WDR6: variants seen among roughly 807,000 people sequenced by gnomAD.
The protein encoded by WDR6 is WD repeat domain 6.
A neutral mutation model predicts 85.6 loss-of-function variants in WDR6; 58 were observed. That is an observed-to-expected ratio of 0.68 (90% CI 0.55 to 0.84). The LOEUF is 0.84. WDR6 is among the 40% of genes least tolerant of loss of function. The probability of loss-of-function intolerance (pLI) is 0.00; values close to 1 mark genes in which losing one functional copy is unlikely to be tolerated. For synonymous variants in WDR6, 569 were observed against 582.2 expected, an observed-to-expected ratio of 0.98 and a Z score of 0.33; for missense variants, 1,310 against 1,476.4, an observed-to-expected ratio of 0.89 and a Z score of 1.85.
rs764898304 is a variant in WDR6 at position 49,015,015 on chromosome 3, G to C, written c.3093G>C (p.Gln1031His). ...EAVGEAGLVP[Q>H]LRVLEEYSVP... Reference sequence around the variant, plus strand: ...TGGGAGAGGCTGGGCTGGTACCCCAGCTGCGTGTGCTAGAGGAATACTCTG... The same window carrying C: ...TGGGAGAGGCTGGGCTGGTACCCCACCTGCGTGTGCTAGAGGAATACTCTG... Residue 1031 changes from glutamine to histidine, a missense_variant, in exon 6 of 6, where the codon CAG (glutamine) becomes CAC (histidine). Gln to His is a conservative substitution (Grantham distance 24). Coordinates refer to ENST00000608424, the MANE Select transcript of WDR6 (RefSeq NM_018031.6). 3.1e-6 allele frequency: 5 copies of C among 1,614,064 alleles called. No individual in the cohort carries two copies. The highest frequency in any genetic ancestry group is 4.2e-6 in the Non-Finnish European group (5 of 1,180,042).
chr3:49,014,826 G>A lies in WDR6; in HGVS notation c.2904G>A (p.Arg968=). The A allele has an allele frequency of 1.2e-6, 2 of 1,602,138 alleles. No individual in the cohort carries two copies. Among genetic ancestry groups the A allele is most frequent in the Non-Finnish European group, 1.7e-6 (2 of 1,171,866 alleles). Residue 968 remains arginine, a splice_region_variant and synonymous_variant, in exon 6 of 6, where the codon CGG becomes CGA. Coordinates refer to ENST00000608424, the MANE Select transcript of WDR6 (RefSeq NM_018031.6). The surrounding 1 kb of genome is among the most constrained non-coding windows in gnomAD (Gnocchi z 4.9). Reference sequence around the variant, plus strand: ...ACTACCCTCTTCCTCTTCCTTCAGGGCTTGGCACCCCCTCCCTGACTCTCC... The same window carrying A: ...ACTACCCTCTTCCTCTTCCTTCAGGACTTGGCACCCCCTCCCTGACTCTCC... ...EPPVDPGLPY[R]LGTPSLTLQA... is the part of the protein sequence containing the mutation.
rs1379882308 is a variant in WDR6 at position 49,015,770 on chromosome 3, C to T, written c.*482C>T. On this transcript the variant is annotated 3_prime_UTR_variant, in exon 6 of 6. Transcript: ENST00000608424. ...TCCTTTGCCTTTACCCTATACCTCT[C>T]TGCACGTCCCACCCCATTTTGCTGT... 2 of 1,614,114 alleles carry T rather than the reference C, an allele frequency of 1.2e-6. No individual in the cohort carries two copies. The highest frequency in any genetic ancestry group is 1.7e-6 in the Non-Finnish European group (2 of 1,179,996).
intron 1 of WDR6, chr3:49,011,071 C>T (rs2093011628): frequency 2.3e-6 from 1 of 442,316 alleles, no homozygotes; most frequent in African/African-American, 2.1e-5. Context: ...GAAAGTCCAG[C>T]TGAAGCTGAG....
Position 49,012,762 on chromosome 3 carries a change from A to G in WDR6, c.1228A>G (p.Met410Val), listed in dbSNP as rs552309359. 14 of 1,612,774 alleles carry G rather than the reference A, an allele frequency of 8.7e-6. No homozygotes were observed. The highest frequency in any genetic ancestry group is 1.3e-5 in the African/African-American group (1 of 74,806). Residue 410 changes from methionine to valine, a missense_variant, in exon 2 of 6, where the codon ATG becomes GTG. Physicochemically the swap from Met to Val is conservative, Grantham distance 21 (BLOSUM62 1). Coordinates refer to ENST00000608424, the MANE Select transcript of WDR6 (RefSeq NM_018031.6). The surrounding 1 kb of genome is among the most constrained non-coding windows in gnomAD (Gnocchi z 4.4). ...PGPEGFGLCA[M>V]ANGEGRVKVV... ...TCCCGAGGGCTTCGGATTGTGTGCT[A>G]TGGCCAATGGGGAAGGTCGTGTCAA...
At position 49,013,208 on chromosome 3, in the gene WDR6, C is replaced by G. The variant is rs191230183; in HGVS notation, c.1674C>G (p.Gly558=). The part of the protein sequence containing the change: ...SGGGNAFTGL[G]PVSTLPSLHG... ...GTGGGAATGCTTTCACTGGGTTGGGCCCAGTGTCTACCCTGCCCTCTCTGC... is the reference window on the plus strand; with the variant it reads ...GTGGGAATGCTTTCACTGGGTTGGGGCCAGTGTCTACCCTGCCCTCTCTGC... Residue 558 remains glycine, a synonymous_variant, in exon 2 of 6, where the codon GGC becomes GGG. Coordinates refer to ENST00000608424, the MANE Select transcript of WDR6 (RefSeq NM_018031.6). The surrounding 1 kb of genome is among the most constrained non-coding windows in gnomAD (Gnocchi z 4.6). 2.1e-4 allele frequency: 340 copies of G among 1,613,694 alleles called. 2 individuals carry two copies. In the Middle Eastern group the frequency reaches 5.8e-3, roughly 27 times the overall value.
Position 49,007,868 on chromosome 3 carries a change from C to G in WDR6, c.100+337C>G, listed in dbSNP as rs929156996. On this transcript the variant is annotated intron_variant, in intron 1 of 5. Coordinates refer to ENST00000608424, the MANE Select transcript of WDR6 (RefSeq NM_018031.6). The surrounding 1 kb of genome is among the most constrained non-coding windows in gnomAD (Gnocchi z 5.1). Reference sequence around the variant, plus strand: ...GAGCTGAGGGTTGAGGGGGTGTGCTCCCTTCTAGGAGATGGGCGGGGGCTT... The same window carrying G: ...GAGCTGAGGGTTGAGGGGGTGTGCTGCCTTCTAGGAGATGGGCGGGGGCTT... Among the ~76,000 whole-genome samples, 1 of 150,976 alleles carries G rather than the reference C, an allele frequency of 6.6e-6. No individual in the cohort carries two copies. The highest frequency in any genetic ancestry group is 2.4e-5 in the African/African-American group (1 of 41,050).
chr3:49,009,369 G>A (rs1282374518), intron 1 of WDR6, among the ~76,000 whole-genome samples: 1 of 126,784 alleles, frequency 7.9e-6, no homozygotes, highest in African/African-American at 3.1e-5. Flanking sequence ...CTTTCCTCTG[G>A]CTAACTGCTG....
chr3:49,013,819 G>A lies in WDR6; in HGVS notation c.2285G>A (p.Gly762Asp), dbSNP rs1328762033. ...GTCCTAGCACTCCCTACAACCACAG[G>A]CTCAGCCCACGCACTCACAGCTGTT... Reference protein sequence around the residue: ...VCVLALPTTTGSAHALTAVCN... With the variant: ...VCVLALPTTTDSAHALTAVCN... The change falls in exon 2 of 6, where the codon GGC (glycine) becomes GAC (aspartate). Residue 762 changes from glycine (G) to aspartate (D), a missense_variant. By Grantham distance (94) the Gly-to-Asp change is moderately conservative. Transcript: ENST00000608424. This position sits in a 1 kb window ranked among gnomAD's most constrained non-coding sequence, Gnocchi z 4.6. The A allele has an allele frequency of 1.2e-6, 2 of 1,613,956 alleles. No individual in the cohort carries two copies. Among genetic ancestry groups the A allele is most frequent in the East Asian group, 2.2e-5 (1 of 44,898 alleles).
rs749848630 is a variant in WDR6 at position 49,013,970 on chromosome 3, C to T, written c.2436C>T (p.His812=). The T allele has an allele frequency of 7.4e-6, 12 of 1,612,044 alleles. No individual in the cohort carries two copies. In the African/African-American group the frequency reaches 1.2e-4, roughly 16 times the overall value. ...CTGCGGGGGGGCGGGCTGAGATGCACTGCTTCAGCATCATGGTTACTCCGG... is the reference window on the plus strand; with the variant it reads ...CTGCGGGGGGGCGGGCTGAGATGCATTGCTTCAGCATCATGGTTACTCCGG... ...VVSAGGRAEM[H]CFSIMVTPDP... Residue 812 remains histidine, a synonymous_variant, in exon 2 of 6, where the codon CAC becomes CAT. Transcript: ENST00000608424. This position sits in a 1 kb window ranked among gnomAD's most constrained non-coding sequence, Gnocchi z 4.6.
In WDR6 at chr3:49,012,251, C is replaced by T. The variant is rs138723613; in HGVS notation, c.717C>T (p.Gly239=). 42 of 1,614,094 alleles carry T rather than the reference C, an allele frequency of 2.6e-5. No individual in the cohort carries two copies. The Admixed American group carries it at 4.0e-4, about 15-fold the overall frequency. ...EDRSVRIWKV[G]DLRVPGGRVQ... The stretch of plus-strand genomic sequence containing the variant: ...GAAGCGTTCGTATCTGGAAGGTGGG[C>T]GACCTGCGAGTGCCTGGGGGTCGGG... Residue 239 remains glycine (G), a synonymous_variant, in exon 2 of 6, where the codon GGC becomes GGT. Coordinates refer to ENST00000608424, the MANE Select transcript of WDR6 (RefSeq NM_018031.6). This position sits in a 1 kb window ranked among gnomAD's most constrained non-coding sequence, Gnocchi z 4.4.
chr3:49,014,321 G>C lies in WDR6; in HGVS notation c.2666+28G>C. 6.2e-7 allele frequency: 1 copy of C among 1,614,132 alleles called. No individual in the cohort carries two copies. The highest frequency in any genetic ancestry group is 8.5e-7 in the Non-Finnish European group (1 of 1,180,012). Reference sequence around the variant, plus strand: ...GAGAGCATAGGGCCCAGTGGGACAGGAGACAAAGGAAGTAAGGTTGTCTAG... The same window carrying C: ...GAGAGCATAGGGCCCAGTGGGACAGCAGACAAAGGAAGTAAGGTTGTCTAG... On this transcript the variant is annotated intron_variant, in intron 3 of 5. Transcript: ENST00000608424. The surrounding 1 kb of genome is among the most constrained non-coding windows in gnomAD (Gnocchi z 4.9).
At position 49,012,617 on chromosome 3, in the gene WDR6, A is replaced by G. The variant is rs764678238; in HGVS notation, c.1083A>G (p.Arg361=). ...CTGTGACTCTGGCTGGCTCTTGGCG[A>G]CTGCTGGCAGTGACTGATACAGGGG... ...LKAVTLAGSW[R]LLAVTDTGAL... is the part of the protein sequence containing the mutation. Residue 361 remains arginine (R), a synonymous_variant, in exon 2 of 6, where the codon CGA becomes CGG. Transcript: ENST00000608424. This position sits in a 1 kb window ranked among gnomAD's most constrained non-coding sequence, Gnocchi z 4.4. 2 of 1,614,022 alleles carry G rather than the reference A, an allele frequency of 1.2e-6. No homozygotes were observed. The highest frequency in any genetic ancestry group is 1.7e-5 in the Admixed American group (1 of 60,012).
chr3:49,014,646 T>C lies in WDR6; in HGVS notation c.2830T>C (p.Trp944Arg). The C allele has an allele frequency of 2.5e-6, 4 of 1,613,672 alleles. No individual in the cohort carries two copies. Among genetic ancestry groups the C allele is most frequent in the Non-Finnish European group, 3.4e-6 (4 of 1,179,986 alleles). Residue 944 changes from tryptophan (W) to arginine (R), a missense_variant, in exon 5 of 6, where the codon TGG becomes CGG. Physicochemically the swap from Trp to Arg is moderately radical, Grantham distance 101 (BLOSUM62 -3). Transcript: ENST00000608424. The surrounding 1 kb of genome is among the most constrained non-coding windows in gnomAD (Gnocchi z 4.9). ...AGCTACTGATGGCAGCCTGGCTTTC[T>C]GGGATCTCACCACCATGCTAGACCA... The part of the protein sequence containing the change: ...SAATDGSLAF[W>R]DLTTMLDHDS...
Position 49,015,545 on chromosome 3 carries a change from G to C in WDR6, c.*257G>C, listed in dbSNP as rs2093051449. The C allele has an allele frequency of 6.2e-7, 1 of 1,602,386 alleles. No homozygotes were observed. Among genetic ancestry groups the C allele is most frequent in the African/African-American group, 1.3e-5 (1 of 74,192 alleles). ...GTGGGTTTTTGCTTTTTTTCCAGTTGATGACTTTGTGAACATTCCCAGGTA... is the reference window on the plus strand; with the variant it reads ...GTGGGTTTTTGCTTTTTTTCCAGTTCATGACTTTGTGAACATTCCCAGGTA... On this transcript the variant is annotated 3_prime_UTR_variant, in exon 6 of 6. Coordinates refer to ENST00000608424, the MANE Select transcript of WDR6 (RefSeq NM_018031.6).
In WDR6 at chr3:49,014,428, T is replaced by C; in HGVS notation, c.2712T>C (p.Ala904=). 1.2e-6 allele frequency: 2 copies of C among 1,614,186 alleles called. No homozygotes were observed. Among genetic ancestry groups the C allele is most frequent in the Non-Finnish European group, 1.7e-6 (2 of 1,180,018 alleles). Residue 904 remains alanine (A), a synonymous_variant, in exon 4 of 6, where the codon GCT becomes GCC. Transcript: ENST00000608424. This position sits in a 1 kb window ranked among gnomAD's most constrained non-coding sequence, Gnocchi z 4.9. ...CTGGGCGGATTCTGCAGCTCCTTGC[T>C]GAAACCTTCCACCATAAGCGATGTG... ...QDSGRILQLL[A]ETFHHKRCVL...
Position 49,012,102 on chromosome 3 carries a change from G to A in WDR6, c.568G>A (p.Ala190Thr), listed in dbSNP as rs914502222. Residue 190 changes from alanine to threonine, a missense_variant, in exon 2 of 6, where the codon GCA becomes ACA. Ala to Thr is a moderately conservative substitution (Grantham distance 58). Transcript: ENST00000608424. This position sits in a 1 kb window ranked among gnomAD's most constrained non-coding sequence, Gnocchi z 4.4. ...VSNQLLVWYP[A>T]TALADNKPVA... The stretch of plus-strand genomic sequence containing the variant: ...CAACCAGCTCTTGGTCTGGTACCCA[G>A]CAACTGCCTTAGCAGACAACAAACC... 2.5e-6 allele frequency: 4 copies of A among 1,613,860 alleles called. No homozygotes were observed. The Admixed American group carries it at 5.0e-5, about 20-fold the overall frequency.
chr3:49,015,729 G>A lies in WDR6; in HGVS notation c.*441G>A, dbSNP rs768288881. 6.2e-7 allele frequency: 1 copy of A among 1,613,990 alleles called. No individual in the cohort carries two copies. Among genetic ancestry groups the A allele is most frequent in the Admixed American group, 1.7e-5 (1 of 60,000 alleles). On this transcript the variant is annotated 3_prime_UTR_variant, in exon 6 of 6. Transcript: ENST00000608424. ...GCTCCTGAAAGAGAAAGGGCCTGCT[G>A]GTCTCATCCTCTGCTTCCTTTGCCT... is the stretch of plus-strand genomic sequence containing the variant.
In WDR6 at chr3:49,011,882, T is replaced by A; in HGVS notation, c.348T>A (p.Ser116=). 6.2e-7 allele frequency: 1 copy of A among 1,614,230 alleles called. No homozygotes were observed. Among genetic ancestry groups the A allele is most frequent in the Non-Finnish European group, 8.5e-7 (1 of 1,180,044 alleles). Residue 116 remains serine, a synonymous_variant, in exon 2 of 6, where the codon TCT becomes TCA. Coordinates refer to ENST00000608424, the MANE Select transcript of WDR6 (RefSeq NM_018031.6). Reference sequence around the variant, plus strand: ...GGCGCTCTGGCCTGTGGAACATGTCTGACTGGATTTGGGATGCACGCTGGC... The same window carrying A: ...GGCGCTCTGGCCTGTGGAACATGTCAGACTGGATTTGGGATGCACGCTGGC... ...ELWRSGLWNM[S]DWIWDARWLE...
In WDR6 at chr3:49,014,531, G is replaced by A. The variant is rs1029035873; in HGVS notation, c.2783+32G>A. On this transcript the variant is annotated intron_variant, in intron 4 of 5. Coordinates refer to ENST00000608424, the MANE Select transcript of WDR6 (RefSeq NM_018031.6). The surrounding 1 kb of genome is among the most constrained non-coding windows in gnomAD (Gnocchi z 4.9). The stretch of plus-strand genomic sequence containing the variant: ...GGGGCTGGATGATGGTCCTGCATGG[G>A]CTGGGTTGGGGGGTTCCTGTTGAGC... The A allele has an allele frequency of 3.7e-6, 6 of 1,613,598 alleles. No individual in the cohort carries two copies. In the African/African-American group the frequency reaches 6.7e-5, roughly 18 times the overall value.
Sources: gnomAD v4.1 joint callset for allele counts (sites outside exome capture counted in the v4.1 genomes callset) on GRCh38, gnomAD v4.1.1 for gene constraint, Gnocchi (gnomAD v3.1) non-coding constraint, MANE v1.5 for transcripts, NCBI Gene and HGNC (gene_info 2026-07-23, HGNC 2026-07-21) for gene names.